Variants in ANO3 observed in about 807,000 individuals in gnomAD.
The protein encoded by ANO3 is anoctamin-3.
A neutral mutation model predicts 144.8 loss-of-function variants in ANO3; 99 were observed. That is an observed-to-expected ratio of 0.68 (90% CI 0.58 to 0.81). ANO3 has a LOEUF of 0.81. Among genes scored for constraint, ANO3 ranks in the 30% least tolerant of loss-of-function variants. ANO3 has a pLI of 0.00. For missense variants in ANO3, 905 were observed against 1,202.2 expected (o/e 0.75, Z 3.66); for synonymous variants, 414 against 392.6 (o/e 1.05, Z -0.64).
chr11:26,417,573 C>G (rs562307827), intron 1 of ANO3, among the ~76,000 whole-genome samples: 1 of 152,080 alleles, frequency 6.6e-6, no homozygotes, highest in East Asian at 1.9e-4. Flanking sequence ...GCTCCATAGA[C>G]AGAACAGAGG....
intron 4 of ANO3, among the ~76,000 whole-genome samples, chr11:26,487,713 G>A (rs564520939): frequency 6.6e-6 from 1 of 152,278 alleles, no homozygotes; most frequent in East Asian, 1.9e-4. Flanking sequence ...CTGGAGCAAA[G>A]GTGACTCCTG....
chr11:26,565,159 A>G (rs780998316), intron 14 of ANO3: 6 of 1,498,968 alleles, frequency 4.0e-6, no homozygotes, highest in Non-Finnish European at 5.3e-6. Flanking sequence ...AATCATTTAT[A>G]TTTACCTTTT....
At chr11:26,523,395 C>T (rs1321229455) in intron 6 of ANO3, among the ~76,000 whole-genome samples, 1 of 152,194 alleles carries the variant, frequency 6.6e-6, no homozygotes, top group Non-Finnish European at 1.5e-5. Context: ...GGAGGTAGTT[C>T]TGCAACTTGG....
At chr11:26,640,001 A>G (rs11604760) in intron 21 of ANO3, among the ~76,000 whole-genome samples, 37,037 of 142,386 alleles carry the variant, frequency 0.26, 5,356 homozygotes, top group East Asian at 0.49. Context: ...GGGGTTATAT[A>G]TCAAATTATA....
At chr11:26,530,175 A>G (rs754356508) in intron 7 of ANO3, among the ~76,000 whole-genome samples, 8 of 152,290 alleles carry the variant, frequency 5.3e-5, no homozygotes, top group East Asian at 1.9e-4. Context: ...TAAAATACCA[A>G]TTTACAACTC....
intron 17 of ANO3, among the ~76,000 whole-genome samples, chr11:26,610,173 A>G (rs570881745): frequency 6.6e-6 from 1 of 152,044 alleles, no homozygotes; most frequent in South Asian, 2.1e-4. Flanking sequence ...AGCCTTCCTA[A>G]GTGCTGGGAT....
chr11:26,331,106 A>AAGT (rs1855027018), upstream of ANO3, among the ~76,000 whole-genome samples: 10 of 152,252 alleles, frequency 6.6e-5, 1 homozygote, highest in South Asian at 2.1e-3. Context: ...GGTCTTTCAA[A>AAGT]AGTTACTTCA....
upstream of ANO3, among the ~76,000 whole-genome samples, chr11:26,306,748 AGCATGACCTTCTTCCCT>A (rs1285175556): frequency 6.6e-6 from 1 of 152,244 alleles, no homozygotes; most frequent in Non-Finnish European, 1.5e-5. Context: ...ATCTCATACC[AGCATGACCTTCTTCCCT>A]GCATTCCTAA....
chr11:26,536,165 A>G (rs149729190), intron 9 of ANO3, among the ~76,000 whole-genome samples: 73 of 151,986 alleles, frequency 4.8e-4, no homozygotes, highest in African/African-American at 1.5e-3. Context: ...CTAAAAATAC[A>G]AAAATTAGCC....
intron 1 of ANO3, among the ~76,000 whole-genome samples, chr11:26,257,487 C>T (rs928154448): frequency 1.3e-5 from 2 of 152,006 alleles, no homozygotes; most frequent in African/African-American, 4.8e-5. Context: ...TAATGTAATC[C>T]TCTTGAATTA....
chr11:26,421,840 C>G (rs978557320), intron 1 of ANO3, among the ~76,000 whole-genome samples: 2 of 152,054 alleles, frequency 1.3e-5, no homozygotes, highest in Non-Finnish European at 2.9e-5. Context: ...CAAACTAACA[C>G]AGGAACAGAA....
chr11:26,332,089 C>G, upstream of ANO3: 1 of 1,460,336 alleles, frequency 6.8e-7, no homozygotes, highest in Non-Finnish European at 9.0e-7. Context: ...AGACCGCCCT[C>G]CCGCGTTCCC....
intron 14 of ANO3, among the ~76,000 whole-genome samples, chr11:26,575,171 G>A (rs1850954104): frequency 6.6e-6 from 1 of 151,640 alleles, no homozygotes; most frequent in Admixed American, 6.6e-5. Flanking sequence ...AATATGAATT[G>A]AAAAACAAAC....
intron 1 of ANO3, among the ~76,000 whole-genome samples, chr11:26,212,427 A>C (rs1360754526): frequency 3.3e-5 from 5 of 151,932 alleles, no homozygotes; most frequent in African/African-American, 1.2e-4. Flanking sequence ...AATTGAATAG[A>C]TACAATAAAA....
intron 24 of ANO3, among the ~76,000 whole-genome samples, chr11:26,648,065 T>C (rs1200178514): frequency 6.6e-6 from 1 of 152,158 alleles, no homozygotes; most frequent in African/African-American, 2.4e-5. Flanking sequence ...CTGTTTTTAC[T>C]TGGAAATGCA....
rs1849818186 is a variant in ANO3, at chr11:26,547,513, T to G, written c.1252T>G (p.Phe418Val). 6.2e-7 allele frequency: 1 copy of G among 1,611,962 alleles called. No homozygotes were observed. Among genetic ancestry groups the G allele is most frequent in the South Asian group, 1.1e-5 (1 of 91,046 alleles). Reference protein sequence around the residue: ...PAAIVGLCVFFYGLFTMNNSQ... With the variant: ...PAAIVGLCVFVYGLFTMNNSQ... The stretch of plus-strand genomic sequence containing the variant: ...AGCAATTGTTGGTTTGTGCGTTTTC[T>G]TCTATGGATTATTTACAATGAATAA... Residue 418 changes from phenylalanine (F) to valine (V), a missense_variant, in exon 12 of 27, where the codon TTC becomes GTC. Physicochemically the swap from Phe to Val is conservative, Grantham distance 50. This residue lies in a region of ANO3 where 597 missense variants were observed against 865.1 expected (regional missense o/e 0.69). Transcript: ENST00000256737.
intron 1 of ANO3, among the ~76,000 whole-genome samples, chr11:26,394,380 A>G (rs1856952330): frequency 6.6e-6 from 1 of 151,952 alleles, no homozygotes; most frequent in Non-Finnish European, 1.5e-5. Flanking sequence ...TATATTACAA[A>G]TGGGTTTAGA....
intron 1 of ANO3, among the ~76,000 whole-genome samples, chr11:26,360,694 T>C (rs995156840): frequency 6.6e-6 from 1 of 152,232 alleles, no homozygotes; most frequent in Middle Eastern, 3.2e-3. Context: ...CATGGAATCC[T>C]CTCTGCATGT....
chr11:26,573,383 GT>G (rs1318315754), intron 14 of ANO3, among the ~76,000 whole-genome samples: 2 of 152,146 alleles, frequency 1.3e-5, no homozygotes, highest in African/African-American at 4.8e-5. Context: ...AGAAAAGCAG[GT>G]TAAATTTAAT....
Sources: allele counts gnomAD v4.1 joint callset (sites outside exome capture counted in the v4.1 genomes callset), GRCh38; gene constraint gnomAD v4.1.1; regional missense constraint gnomAD v4.1.1; transcripts MANE v1.5; gene names NCBI Gene and HGNC (gene_info 2026-07-23, HGNC 2026-07-21).